Variants in TM2D1 observed in about 807,000 individuals in gnomAD.
The protein encoded by TM2D1 is TM2 domain-containing protein 1.
Under a neutral mutation model 28.4 loss-of-function variants are expected in TM2D1, and 15 were observed. That is an observed-to-expected ratio of 0.53 (90% CI 0.35 to 0.81). TM2D1 has a LOEUF of 0.81. Ranked by LOEUF, TM2D1 falls within the 40% of genes least tolerant of loss-of-function variation. The probability of loss-of-function intolerance (pLI) is 0.01; values close to 1 mark genes in which losing one functional copy is unlikely to be tolerated. For missense variants in TM2D1, 236 were observed against 254.9 expected (o/e 0.93, Z 0.50); for synonymous variants, 93 against 96.2 (o/e 0.97, Z 0.20).
chr1:61,703,887 GCTGGGATTACAGGCA>G (rs979751709), intron 3 of TM2D1, among the ~76,000 whole-genome samples: 2 of 151,252 alleles, frequency 1.3e-5, no homozygotes, highest in Admixed American at 6.6e-5. Context: ...TTCCTGAGTA[GCTGGGATTACAGGCA>G]CCCACCACCA....
chr1:61,709,462 C>G (rs1644462283), intron 2 of TM2D1, 25 bp from the exon 3 acceptor site: 1 of 1,532,988 alleles, frequency 6.5e-7, no homozygotes, highest in Non-Finnish European at 9.0e-7. Flanking sequence ...AGTCAAGAAA[C>G]TGTTATTTTT....
chr1:61,724,707 G>GA lies in TM2D1; in HGVS notation c.164+249dup, dbSNP rs111888786. On this transcript the variant is annotated intron_variant, in intron 1 of 6. Coordinates refer to ENST00000606498, the MANE Select transcript of TM2D1 (RefSeq NM_032027.3). Reference sequence around the variant, plus strand: ...AACAAGTAAGCACACTGATAAAAAAGAAAAAAAAAGTGGATCAGAAGAGGA... The same window carrying GA: ...AACAAGTAAGCACACTGATAAAAAAGAAAAAAAAAAGTGGATCAGAAGAGGA... Among the ~76,000 whole-genome samples, 103 of 150,200 alleles carry GA rather than the reference G, an allele frequency of 6.9e-4. 1 individual carries two copies. The highest frequency in any genetic ancestry group is 5.0e-3 in the South Asian group (24 of 4,770).
At chr1:61,691,931 AAATAT>A (rs1167074810) in intron 5 of TM2D1, among the ~76,000 whole-genome samples, 2 of 95,390 alleles carry the variant, frequency 2.1e-5, no homozygotes, top group African/African-American at 1.1e-4. Context: ...TAAAAAAAAA[AAATAT>A]ATATATATAT....
At chr1:61,696,744 A>C (rs778287068) in intron 4 of TM2D1, among the ~76,000 whole-genome samples, 47 of 152,020 alleles carry the variant, frequency 3.1e-4, no homozygotes, top group Admixed American at 1.7e-3. Context: ...TGTCTGAAGC[A>C]GCATGCCACC....
chr1:61,713,169 C>CAA lies in TM2D1; in HGVS notation c.239-3734_239-3733dup, dbSNP rs1302684596. Among the ~76,000 whole-genome samples the CAA allele has an allele frequency of 9.8e-3, 984 of 100,848 alleles. 7 individuals are homozygous for CAA. Among genetic ancestry groups the CAA allele is most frequent in the African/African-American group, 0.034 (934 of 27,554 alleles). The allele number at this position is 100,848 out of a possible 152,430, so 66.2% of individuals were successfully genotyped here. On this transcript the variant is annotated intron_variant, in intron 2 of 6. Coordinates refer to ENST00000606498, the MANE Select transcript of TM2D1 (RefSeq NM_032027.3). ...AGGGAGATAGAATGAGACTCCACCTCAAAAAAAAAAAAAAGCTGAGAATCT... is the reference window on the plus strand; with the variant it reads ...AGGGAGATAGAATGAGACTCCACCTCAAAAAAAAAAAAAAAAGCTGAGAATCT...
intron 1 of TM2D1, 89 bp downstream of exon 1, chr1:61,724,868 A>G (rs1157357528): frequency 7.3e-7 from 1 of 1,375,006 alleles, no homozygotes; most frequent in Admixed American, 2.7e-5. Flanking sequence ...TTCACTCAGT[A>G]CAGCCCTAGC....
intron 5 of TM2D1, chr1:61,687,006 G>C: frequency 1.0e-6 from 1 of 983,972 alleles, no homozygotes; most frequent in Non-Finnish European, 1.2e-6. Flanking sequence ...ATAGGCAACA[G>C]AGTATGGAAC....
rs527883784 is a variant in TM2D1 at position 61,694,100 on chromosome 1, T to C, written c.513+597A>G. 5 of 152,348 alleles carry C rather than the reference T, an allele frequency of 3.3e-5. No individual in the cohort carries two copies. The East Asian group carries it at 7.7e-4, about 23-fold the overall frequency. 9.4% of individuals were successfully genotyped at this position (152,348 alleles called of 1,614,324 possible). On this transcript the variant is annotated intron_variant, in intron 5 of 6. Transcript: ENST00000606498. ...AACATGTATATCATTTGTTTATACA[T>C]ATCTGTTCTACATTCTCAGATTTTC...
At chr1:61,695,661 AG>A (rs1298570663) in intron 4 of TM2D1, among the ~76,000 whole-genome samples, 1 of 152,240 alleles carries the variant, frequency 6.6e-6, no homozygotes, top group Non-Finnish European at 1.5e-5. Context: ...CATCTCACAG[AG>A]GATCACACAG....
intron 5 of TM2D1, among the ~76,000 whole-genome samples, chr1:61,690,866 T>C (rs1285783758): frequency 6.6e-6 from 1 of 152,214 alleles, no homozygotes; most frequent in African/African-American, 2.4e-5. Context: ...TTTACCAGTC[T>C]GTTAAATGTA....
At chr1:61,699,893 G>A in intron 4 of TM2D1, 1 of 276,666 alleles carries the variant, frequency 3.6e-6, no homozygotes, top group Non-Finnish European at 6.6e-6. Context: ...TTACAACACT[G>A]AGTTTTAGTA....
intron 2 of TM2D1, among the ~76,000 whole-genome samples, chr1:61,712,644 C>T (rs1344657037): frequency 5.3e-5 from 8 of 152,044 alleles, no homozygotes; most frequent in African/African-American, 1.9e-4. Context: ...CTCCTGGCCT[C>T]AAGTAATTCA....
chr1:61,700,877 T>A, intron 4 of TM2D1, 57 bp downstream of exon 4: 6 of 1,287,514 alleles, frequency 4.7e-6, no homozygotes, highest in Non-Finnish European at 6.6e-6. Flanking sequence ...TAAGAACACC[T>A]ACAATGAACT....
intron 6 of TM2D1, among the ~76,000 whole-genome samples, chr1:61,682,499 G>A (rs1308376142): frequency 2.0e-5 from 3 of 152,110 alleles, no homozygotes; most frequent in African/African-American, 7.2e-5. Context: ...CTAATGTATG[G>A]TAATTGAAAT....
intron 6 of TM2D1, 47 bp downstream of exon 6, chr1:61,683,368 TGA>T: frequency 1.7e-6 from 1 of 588,074 alleles, no homozygotes; most frequent in South Asian, 5.4e-5. Flanking sequence ...TAATTTTATA[TGA>T]ATAATATACC....
chr1:61,715,645 C>CAAAAAA (rs759796747), intron 2 of TM2D1, among the ~76,000 whole-genome samples: 23 of 16,420 alleles, frequency 1.4e-3, no homozygotes, highest in Non-Finnish European at 1.9e-3. Flanking sequence ...AAGACTGTCT[C>CAAAAAA]AAAAAAAAAA....
chr1:61,683,383 T>C, intron 6 of TM2D1, 34 bp downstream of exon 6: 3 of 706,440 alleles, frequency 4.2e-6, no homozygotes, highest in Non-Finnish European at 6.4e-6. Flanking sequence ...AATATACCAC[T>C]ATAAGATATT....
At chr1:61,706,864 A>AAGAAAGAAAGAAAGAAAGAAAG (rs1644445550) in intron 3 of TM2D1, among the ~76,000 whole-genome samples, 5 of 147,292 alleles carry the variant, frequency 3.4e-5, no homozygotes, top group East Asian at 2.0e-4. Flanking sequence ...GAAAGAAAGA[A>AAGAAAGAAAGAAAGAAAGAAAG]ATAGTAAACT....
At chr1:61,723,656 A>C in intron 2 of TM2D1, 57 bp downstream of exon 2, 1 of 901,814 alleles carries the variant, frequency 1.1e-6, no homozygotes, top group Non-Finnish European at 1.7e-6. Context: ...TCATACATTG[A>C]CCTATGAAAT....
Sources: allele counts gnomAD v4.1 joint callset (sites outside exome capture counted in the v4.1 genomes callset), GRCh38; gene constraint gnomAD v4.1.1; transcripts MANE v1.5; gene names NCBI Gene and HGNC (gene_info 2026-07-23, HGNC 2026-07-21).